Variants in FARP1 observed in about 807,000 individuals in gnomAD.
FARP1 encodes the protein FERM, ARH/RhoGEF and pleckstrin domain protein 1, also known as FERM, ARHGEF and pleckstrin domain-containing protein 1.
A neutral mutation model predicts 128.8 loss-of-function variants in FARP1; 52 were observed. The ratio of observed to expected loss-of-function variants is 0.40; its 90% CI spans 0.32 to 0.51. The LOEUF (loss-of-function observed/expected upper bound fraction) is 0.51. Ranked by LOEUF, FARP1 falls within the 20% of genes least tolerant of loss-of-function variation. The probability of loss-of-function intolerance (pLI) is 0.45; values close to 1 mark genes in which losing one functional copy is unlikely to be tolerated. For missense variants in FARP1, 1,333 were observed against 1,367.9 expected (o/e 0.97, Z 0.40); for synonymous variants, 580 against 551.8 (o/e 1.05, Z -0.72).
intron 1 of FARP1, among the ~76,000 whole-genome samples, chr13:98,148,407 A>G (rs1880041773): frequency 6.6e-6 from 1 of 152,180 alleles, no homozygotes; most frequent in South Asian, 2.1e-4. Context: ...AAAAGCATGA[A>G]GAAGAAAATA....
intron 1 of FARP1, among the ~76,000 whole-genome samples, chr13:98,167,220 T>C (rs941133745): frequency 1.3e-5 from 2 of 152,170 alleles, no homozygotes; most frequent in African/African-American, 4.8e-5. Context: ...CCTTTATATA[T>C]GGAGAATTCT....
intron 5 of FARP1, among the ~76,000 whole-genome samples, chr13:98,373,537 C>CAG (rs1566929194): frequency 1.4e-3 from 116 of 81,486 alleles, no homozygotes; most frequent in African/African-American, 5.5e-3. Context: ...CAGACAGACA[C>CAG]ACACACACAC....
intron 26 of FARP1, chr13:98,447,190 G>A (rs1469712023): frequency 4.9e-5 from 8 of 164,458 alleles, no homozygotes; most frequent in Non-Finnish European, 1.1e-4. Context: ...GCCTAAGACT[G>A]TTCCTGCAAT....
rs535616948 is a variant in FARP1, at chr13:98,388,268, C to T, written c.760-115C>T. ...TGTGAGTTCTCTGCAAAAGTCATCT[C>T]TACTGAGCAGTCGCCTGCCAGCCCT... On this transcript the variant is annotated intron_variant, in intron 8 of 26. Transcript: ENST00000319562. 1.5e-4 allele frequency: 110 copies of T among 719,512 alleles called. No homozygotes were observed. In the Admixed American group the frequency reaches 1.8e-3, roughly 12 times the overall value. 44.6% of individuals were successfully genotyped at this position (719,512 alleles called of 1,614,324 possible).
chr13:98,440,607 G>C, intron 23 of FARP1, 63 bp from the exon 24 acceptor site: 1 of 1,529,124 alleles, frequency 6.5e-7, no homozygotes, highest in Non-Finnish European at 8.9e-7. Flanking sequence ...GCACCTCAGA[G>C]TGTATCAGGA....
intron 1 of FARP1, among the ~76,000 whole-genome samples, chr13:98,209,332 G>C (rs898873836): frequency 4.6e-5 from 7 of 151,790 alleles, no homozygotes; most frequent in Non-Finnish European, 7.4e-5. Flanking sequence ...TTAAAGCAGT[G>C]GTAGAAGTTT....
In FARP1 at chr13:98,446,663, C is replaced by T. The variant is rs374439803; in HGVS notation, c.2905-3C>T. The T allele has an allele frequency of 4.3e-5, 69 of 1,614,076 alleles. No homozygotes were observed. In the African/African-American group the frequency reaches 8.1e-4, roughly 19 times the overall value. ...GCCACTTTGCTTTGTTTCCCCTTTC[C>T]AGGACAATCATCCCCTTGCCAGCCT... On this transcript the variant is annotated splice_region_variant and splice_polypyrimidine_tract_variant and intron_variant, in intron 25 of 26. Coordinates refer to ENST00000319562, the MANE Select transcript of FARP1 (RefSeq NM_005766.4).
rs1312955304 is a variant in FARP1 at position 98,155,147 on chromosome 13, G to C, written c.-24+11655G>C. Among the ~76,000 whole-genome samples, 4 of 152,210 alleles carry C rather than the reference G, an allele frequency of 2.6e-5. No individual in the cohort carries two copies. In the East Asian group the frequency reaches 5.8e-4, roughly 22 times the overall value. On this transcript the variant is annotated intron_variant, in intron 1 of 26. Coordinates refer to ENST00000319562, the MANE Select transcript of FARP1 (RefSeq NM_005766.4). ...AGATCACCTGAGGTTGGGAGTTCGA[G>C]ACCAGCCTGACCAACATGGAGAAAC... is the stretch of plus-strand genomic sequence containing the variant.
chr13:98,169,412 C>T (rs1056746013), intron 1 of FARP1, among the ~76,000 whole-genome samples: 5 of 152,186 alleles, frequency 3.3e-5, no homozygotes, highest in African/African-American at 1.2e-4. Context: ...AGCTACATTT[C>T]TTTTGAATCT....
At chr13:98,178,488 A>AC (rs1878267823) in intron 1 of FARP1, among the ~76,000 whole-genome samples, 1 of 151,890 alleles carries the variant, frequency 6.6e-6, no homozygotes. Flanking sequence ...GAGCCACTGC[A>AC]CCCCGCCTTC....
At chr13:98,155,072 C>T (rs1383349721) in intron 1 of FARP1, among the ~76,000 whole-genome samples, 1 of 152,216 alleles carries the variant, frequency 6.6e-6, no homozygotes, top group Admixed American at 6.5e-5. Context: ...TGGGGCCGGG[C>T]GTGGTGGCTC....
intron 5 of FARP1, among the ~76,000 whole-genome samples, chr13:98,375,282 C>T (rs1382774447): frequency 1.3e-5 from 2 of 152,204 alleles, no homozygotes; most frequent in Non-Finnish European, 2.9e-5. Context: ...TTTTTTCACC[C>T]ATTGATAATC....
intron 2 of FARP1, among the ~76,000 whole-genome samples, chr13:98,300,091 C>T (rs1199335463): frequency 1.5e-4 from 23 of 152,198 alleles, no homozygotes; most frequent in Non-Finnish European, 4.4e-5. Context: ...CAGTAATAGG[C>T]CAAGAGCCAA....
chr13:98,255,221 C>A (rs1371775564), intron 2 of FARP1, among the ~76,000 whole-genome samples: 1 of 152,012 alleles, frequency 6.6e-6, no homozygotes, highest in Non-Finnish European at 1.5e-5. Context: ...TTGCTGTGGC[C>A]GGGCACGGTG....
chr13:98,273,949 T>C (rs766347394), intron 2 of FARP1, among the ~76,000 whole-genome samples: 3 of 152,190 alleles, frequency 2.0e-5, no homozygotes, highest in Non-Finnish European at 4.4e-5. Context: ...TAGCCACTTA[T>C]AATCAGTTTT....
At chr13:98,195,937 G>C (rs1460763568) in intron 1 of FARP1, among the ~76,000 whole-genome samples, 1 of 152,088 alleles carries the variant, frequency 6.6e-6, no homozygotes, top group Non-Finnish European at 1.5e-5. Context: ...GAGGTGAGAG[G>C]ATCACTTGAG....
intron 1 of FARP1, among the ~76,000 whole-genome samples, chr13:98,193,214 C>A (rs1386043136): frequency 2.0e-5 from 3 of 152,126 alleles, no homozygotes; most frequent in African/African-American, 7.2e-5. Flanking sequence ...TGCACCACCA[C>A]GCCTGGCTAA....
intron 19 of FARP1, 21 bp from the exon 20 acceptor site, chr13:98,438,783 T>G: frequency 6.2e-7 from 1 of 1,609,776 alleles, no homozygotes; most frequent in Admixed American, 1.7e-5. Context: ...CAGCCAGCCC[T>G]CCGGTCTGTC....
chr13:98,371,708 G>A (rs1889339833), intron 5 of FARP1, among the ~76,000 whole-genome samples: 1 of 152,174 alleles, frequency 6.6e-6, no homozygotes, highest in South Asian at 2.1e-4. Context: ...TTCTTTGGCA[G>A]ATGGTGAATG....
Sources: allele counts gnomAD v4.1 joint callset (sites outside exome capture counted in the v4.1 genomes callset), GRCh38; gene constraint gnomAD v4.1.1; transcripts MANE v1.5; gene names NCBI Gene and HGNC (gene_info 2026-07-23, HGNC 2026-07-21).